Variants in MLLT3 observed in about 807,000 individuals in gnomAD.
MLLT3 encodes the protein MLLT3 super elongation complex subunit.
A neutral mutation model predicts 53.2 loss-of-function variants in MLLT3; 4 were observed. That is an observed-to-expected ratio of 0.08 (90% CI 0.04 to 0.17). The LOEUF (loss-of-function observed/expected upper bound fraction) is 0.17. MLLT3 is among the 10% of genes least tolerant of loss of function. The pLI is 1.00. For missense variants in MLLT3, 569 were observed against 684.0 expected (o/e 0.83, Z 1.87); for synonymous variants, 283 against 230.6 (o/e 1.23, Z -2.06).
chr9:20,557,722 T>A (rs1379504617), intron 2 of MLLT3, among the ~76,000 whole-genome samples: 4 of 152,136 alleles, frequency 2.6e-5, no homozygotes, highest in Non-Finnish European at 1.5e-5. Flanking sequence ...GTAAATCAAC[T>A]GGGGTTAAGG....
At chr9:20,451,985 C>T (rs928328442) in intron 3 of MLLT3, among the ~76,000 whole-genome samples, 13 of 152,102 alleles carry the variant, frequency 8.5e-5, no homozygotes, top group Non-Finnish European at 1.3e-4. Flanking sequence ...ACTCTACCAC[C>T]CCTCTTGACC....
chr9:20,557,876 G>C (rs947830539), intron 2 of MLLT3, among the ~76,000 whole-genome samples: 4 of 152,158 alleles, frequency 2.6e-5, no homozygotes, highest in African/African-American at 9.7e-5. Flanking sequence ...TCTATTCCCA[G>C]GGCTTCATTC....
At chr9:20,572,731 T>C (rs189591900) in intron 2 of MLLT3, among the ~76,000 whole-genome samples, 17 of 152,098 alleles carry the variant, frequency 1.1e-4, no homozygotes, top group African/African-American at 2.4e-4. Flanking sequence ...GAGGCAGAGA[T>C]TGCAGTGAGC....
chr9:20,419,260 A>G (rs1822948805), intron 4 of MLLT3, among the ~76,000 whole-genome samples: 2 of 152,194 alleles, frequency 1.3e-5, no homozygotes, highest in South Asian at 2.1e-4. Context: ...TAGATAAAGT[A>G]GAAGATCGAT....
At chr9:20,539,875 A>G (rs1247683248) in intron 2 of MLLT3, among the ~76,000 whole-genome samples, 1 of 152,224 alleles carries the variant, frequency 6.6e-6, no homozygotes, top group Admixed American at 6.5e-5. Context: ...CCTTCCACAT[A>G]AGGAAGGTCC....
intron 5 of MLLT3, among the ~76,000 whole-genome samples, chr9:20,386,245 A>C (rs2118709582): frequency 6.6e-6 from 1 of 152,332 alleles, no homozygotes; most frequent in East Asian, 1.9e-4. Flanking sequence ...GTTTATGTTT[A>C]GGGCAAGTGT....
intron 2 of MLLT3, among the ~76,000 whole-genome samples, chr9:20,577,498 C>T (rs1436530637): frequency 6.6e-6 from 1 of 152,186 alleles, no homozygotes; most frequent in Non-Finnish European, 1.5e-5. Flanking sequence ...TTCAACATCT[C>T]TGTGAAATTC....
intron 5 of MLLT3, among the ~76,000 whole-genome samples, chr9:20,383,024 T>G (rs1375532675): frequency 6.6e-6 from 1 of 151,720 alleles, no homozygotes; most frequent in Non-Finnish European, 1.5e-5. Context: ...AGTTAAAAGG[T>G]GGAGATACTG....
Position 20,621,910 on chromosome 9 carries a change from T to TGTGTGTGTGTGAGTGCGC in MLLT3, c.12+317_12+334dup, listed in dbSNP as rs1329056387. On this transcript the variant is annotated intron_variant, in intron 1 of 10. Transcript: ENST00000380338. This position sits in a 1 kb window ranked among gnomAD's most constrained non-coding sequence, Gnocchi z 7.0. ...TATTCGCCTCCTTCCACCGTGTGTG[T>TGTGTGTGTGTGAGTGCGC]GTGTGTGTGTGAGTGCGCGCGTGTG... 2.1e-4 allele frequency: 293 copies of TGTGTGTGTGTGAGTGCGC among 1,374,108 alleles called. No homozygotes were observed. In the Middle Eastern group the frequency reaches 6.4e-3, roughly 30 times the overall value. The allele number at this position is 1,374,108 out of a possible 1,614,324, so 85.1% of individuals were successfully genotyped here. A position where few individuals can be genotyped will look rare whatever the true frequency, so the allele number is the denominator to read the frequency against.
Position 20,469,141 on chromosome 9 carries a change from T to C in MLLT3, c.194-12355A>G, listed in dbSNP as rs574400592. Among the ~76,000 whole-genome samples the C allele has an allele frequency of 1.2e-4, 18 of 152,290 alleles. No individual in the cohort carries two copies. In the East Asian group the frequency reaches 1.7e-3, roughly 15 times the overall value. Reference sequence around the variant, plus strand: ...ATTCTTACTTGGGAGTCACCTTAAATGTGTCAAGTAAAACCCTGTTTTACA... The same window carrying C: ...ATTCTTACTTGGGAGTCACCTTAAACGTGTCAAGTAAAACCCTGTTTTACA... On this transcript the variant is annotated intron_variant, in intron 2 of 10. Coordinates refer to ENST00000380338, the MANE Select transcript of MLLT3 (RefSeq NM_004529.4).
rs948678515 is a variant in MLLT3, at chr9:20,615,298, G to A, written c.193+5356C>T. Among the ~76,000 whole-genome samples the A allele has an allele frequency of 9.3e-4, 132 of 141,578 alleles. 1 individual carries two copies. The highest frequency in any genetic ancestry group is 3.1e-3 in the African/African-American group (123 of 39,230). The allele number at this position is 141,578 out of a possible 152,430, so 92.9% of individuals were successfully genotyped here. ...GGATGGCTTGAGTCCAGGAGATGGA[G>A]GTTGCAATGAGCTGAAATCACGCAA... is the stretch of plus-strand genomic sequence containing the variant. On this transcript the variant is annotated intron_variant, in intron 2 of 10. Transcript: ENST00000380338.
intron 8 of MLLT3, 103 bp from the exon 9 acceptor site, chr9:20,354,982 T>A: frequency 1.5e-6 from 1 of 684,004 alleles, no homozygotes; most frequent in Non-Finnish European, 2.5e-6. Flanking sequence ...TACAGTAACA[T>A]TTGCTTTCCA....
intron 2 of MLLT3, among the ~76,000 whole-genome samples, chr9:20,617,869 T>C (rs1423359625): frequency 6.6e-6 from 1 of 152,234 alleles, no homozygotes; most frequent in Non-Finnish European, 1.5e-5. Context: ...ATGGTATACA[T>C]AATTCTCATT....
intron 4 of MLLT3, among the ~76,000 whole-genome samples, chr9:20,435,248 T>C (rs1241349623): frequency 1.3e-5 from 2 of 152,098 alleles, no homozygotes; most frequent in Admixed American, 6.6e-5. Context: ...CTCAGTATGT[T>C]ACCCAGGCTA....
intron 5 of MLLT3, among the ~76,000 whole-genome samples, chr9:20,374,959 G>GT (rs1201644477): frequency 1.7e-4 from 26 of 152,288 alleles, no homozygotes; most frequent in Admixed American, 2.6e-4. Flanking sequence ...GATGGAATTG[G>GT]TATCCTTGTA....
chr9:20,519,523 T>G (rs7868240), intron 2 of MLLT3, among the ~76,000 whole-genome samples: 67,342 of 151,958 alleles, frequency 0.44, 15,070 homozygotes, highest in South Asian at 0.51. Context: ...CGTACATAGT[T>G]AAACTCACAG....
At chr9:20,536,297 AC>A (rs1191482218) in intron 2 of MLLT3, among the ~76,000 whole-genome samples, 1 of 152,242 alleles carries the variant, frequency 6.6e-6, no homozygotes, top group Non-Finnish European at 1.5e-5. Context: ...TAGAGCTCAT[AC>A]TTCTAGCTCA....
At chr9:20,359,753 A>G (rs898929209) in intron 8 of MLLT3, among the ~76,000 whole-genome samples, 8 of 152,252 alleles carry the variant, frequency 5.3e-5, no homozygotes, top group Non-Finnish European at 1.0e-4. Flanking sequence ...CCTGTGAAAC[A>G]GTATTTTCAG....
At chr9:20,480,252 C>G (rs1335287213) in intron 2 of MLLT3, among the ~76,000 whole-genome samples, 2 of 152,192 alleles carry the variant, frequency 1.3e-5, no homozygotes, top group Non-Finnish European at 2.9e-5. Flanking sequence ...CTGTAAACTA[C>G]AAACTTGTTG....
Sources: allele counts gnomAD v4.1 joint callset (sites outside exome capture counted in the v4.1 genomes callset), GRCh38; gene constraint gnomAD v4.1.1; non-coding constraint Gnocchi (gnomAD v3.1); transcripts MANE v1.5; gene names NCBI Gene and HGNC (gene_info 2026-07-23, HGNC 2026-07-21).